Variants in KLF17 observed in about 807,000 individuals in gnomAD.
The protein encoded by KLF17 is Krueppel-like factor 17.
Under a neutral mutation model 34.2 loss-of-function variants are expected in KLF17, and 31 were observed. That is an observed-to-expected ratio of 0.91 (90% CI 0.68 to 1.22). The LOEUF (loss-of-function observed/expected upper bound fraction) is 1.22. KLF17 is among the 50% of genes most tolerant of loss of function. The probability of loss-of-function intolerance (pLI) is 0.00; values close to 1 mark genes in which losing one functional copy is unlikely to be tolerated. For missense variants in KLF17, 478 were observed against 505.2 expected (o/e 0.95, Z 0.52); for synonymous variants, 179 against 186.7 (o/e 0.96, Z 0.34).
the KLF17 span, among the ~76,000 whole-genome samples, chr1:44,096,336 C>G: frequency 6.6e-6 from 1 of 151,922 alleles, no homozygotes; most frequent in Non-Finnish European, 1.5e-5. Flanking sequence ...TTACTTCTTT[C>G]TCTTGTCTAA....
At chr1:44,090,306 CAAAAAAAAAAA>C in the KLF17 span, among the ~76,000 whole-genome samples, 113 of 23,406 alleles carry the variant, frequency 4.8e-3, no homozygotes, top group African/African-American at 0.02. Context: ...CTTGTCTCTA[CAAAAAAAAAAA>C]AAAAAAAAAA....
chr1:44,091,510 G>A, the KLF17 span, among the ~76,000 whole-genome samples: 4 of 151,726 alleles, frequency 2.6e-5, no homozygotes, highest in South Asian at 8.3e-4. Flanking sequence ...ATGAGAATTA[G>A]CCAGGCATGG....
At chr1:44,087,283 C>T in the KLF17 span, among the ~76,000 whole-genome samples, 2 of 151,980 alleles carry the variant, frequency 1.3e-5, no homozygotes, top group Non-Finnish European at 2.9e-5. Context: ...GAGATAAGGT[C>T]TTGCTCTGTC....
chr1:44,119,187 G>C (rs1297307936), intron 1 of KLF17, among the ~76,000 whole-genome samples, 199 bp downstream of exon 1: 6 of 151,664 alleles, frequency 4.0e-5, no homozygotes, highest in Admixed American at 3.9e-4. Flanking sequence ...GGGAGGGGTT[G>C]CAAAGGGAGG....
the KLF17 span, among the ~76,000 whole-genome samples, chr1:44,063,166 T>C: frequency 1.3e-5 from 2 of 152,228 alleles, no homozygotes; most frequent in East Asian, 3.9e-4. Context: ...ATGATTGCAA[T>C]TATATGAAGT....
At position 44,119,669 on chromosome 1, in the gene KLF17, G is replaced by C. The variant is rs960155655; in HGVS notation, c.81+681G>C. ...ACTCTGTTCTGGGACTAAAGAACCC[G>C]TCAGGTGAAAGGTTCCCAGGTCTGA... On this transcript the variant is annotated intron_variant, in intron 1 of 3. Coordinates refer to ENST00000372299, the MANE Select transcript of KLF17 (RefSeq NM_173484.4). Among the ~76,000 whole-genome samples, 9 of 152,154 alleles carry C rather than the reference G, an allele frequency of 5.9e-5. No individual in the cohort carries two copies. The South Asian group carries it at 1.2e-3, about 21-fold the overall frequency.
intron 1 of KLF17, chr1:44,122,507 C>T: frequency 2.1e-6 from 2 of 969,596 alleles, no homozygotes; most frequent in Non-Finnish European, 3.4e-6. Context: ...ATCTCACGAG[C>T]TTCATCCTAG....
At chr1:44,115,561 T>G (rs1207089440), upstream of KLF17, 1 of 152,090 alleles carries the variant, frequency 6.6e-6, no homozygotes, top group Non-Finnish European at 1.5e-5. Flanking sequence ...ATTTTTAATT[T>G]GTACATGAAA....
chr1:44,118,843 C>T lies in KLF17; in HGVS notation c.-65C>T, dbSNP rs1300391212. 1 of 1,293,792 alleles carries T rather than the reference C, an allele frequency of 7.7e-7. No individual in the cohort carries two copies. The highest frequency in any genetic ancestry group is 1.1e-6 in the Non-Finnish European group (1 of 947,376). 80.1% of individuals were successfully genotyped at this position (1,293,792 alleles called of 1,614,324 possible). On this transcript the variant is annotated 5_prime_UTR_variant, in exon 1 of 4. Coordinates refer to ENST00000372299, the MANE Select transcript of KLF17 (RefSeq NM_173484.4). ...GGCGTGGCGATGTACCGATACCCGCCTGCGACGCCGTGGTGGCTGGTTCCC... is the reference window on the plus strand; with the variant it reads ...GGCGTGGCGATGTACCGATACCCGCTTGCGACGCCGTGGTGGCTGGTTCCC...
At chr1:44,090,551 AG>A in the KLF17 span, among the ~76,000 whole-genome samples, 1 of 152,038 alleles carries the variant, frequency 6.6e-6, no homozygotes, top group African/African-American at 2.4e-5. Context: ...GGAAGAGAAG[AG>A]GGGGCAGGTA....
At chr1:44,102,609 C>G in the KLF17 span, among the ~76,000 whole-genome samples, 38 of 102,644 alleles carry the variant, frequency 3.7e-4, no homozygotes, top group Non-Finnish European at 2.8e-4. Flanking sequence ...CACACACACA[C>G]ACACAGAAAA....
chr1:44,080,087 C>A, the KLF17 span, among the ~76,000 whole-genome samples: 4 of 152,042 alleles, frequency 2.6e-5, no homozygotes, highest in Middle Eastern at 3.4e-3. Context: ...TGCCACCATG[C>A]GTGGCTAATT....
the KLF17 span, among the ~76,000 whole-genome samples, chr1:44,096,404 C>CT: frequency 0.5 from 71,520 of 144,178 alleles, 18,999 homozygotes; most frequent in Non-Finnish European, 0.61. Flanking sequence ...ATTTATTTTT[C>CT]TTTTTTTTTT....
chr1:44,103,618 C>A, the KLF17 span: 662 of 1,609,318 alleles, frequency 4.1e-4, no homozygotes, highest in Non-Finnish European at 5.4e-4. Context: ...ATCTCGATCT[C>A]GATGTCCAGG....
the KLF17 span, among the ~76,000 whole-genome samples, chr1:44,089,122 G>A: frequency 2.6e-5 from 4 of 152,058 alleles, no homozygotes. Context: ...GTAAAATAAG[G>A]GCAATAAGGC....
At chr1:44,065,888 T>G in the KLF17 span, among the ~76,000 whole-genome samples, 1 of 152,012 alleles carries the variant, frequency 6.6e-6, no homozygotes, top group Non-Finnish European at 1.5e-5. Flanking sequence ...AATAGAAAAA[T>G]TAGCAAATTT....
the KLF17 span, among the ~76,000 whole-genome samples, chr1:44,087,499 A>G: frequency 6.6e-6 from 1 of 151,446 alleles, no homozygotes; most frequent in South Asian, 2.1e-4. Context: ...CTTGACCTCA[A>G]ATGATCCTCC....
At chr1:44,061,993 G>C in the KLF17 span, among the ~76,000 whole-genome samples, 1 of 152,212 alleles carries the variant, frequency 6.6e-6, no homozygotes, top group Non-Finnish European at 1.5e-5. Flanking sequence ...GGGTAGCCCT[G>C]CTCTGCAGGA....
chr1:44,065,963 C>T, the KLF17 span, among the ~76,000 whole-genome samples: 1 of 151,996 alleles, frequency 6.6e-6, no homozygotes, highest in Non-Finnish European at 1.5e-5. Context: ...TATTAATAAT[C>T]AGGGAAATGT....
Sources: allele counts gnomAD v4.1 joint callset (sites outside exome capture counted in the v4.1 genomes callset), GRCh38; gene constraint gnomAD v4.1.1; transcripts MANE v1.5; gene names NCBI Gene and HGNC (gene_info 2026-07-23, HGNC 2026-07-21).